TMEM265: variants seen among roughly 807,000 people sequenced by gnomAD.
The protein encoded by TMEM265 is transmembrane protein 265.
TMEM265 carries 8 observed loss-of-function variants against 9.5 expected under a neutral mutation model. The ratio of observed to expected loss-of-function variants is 0.84; its 90% CI spans 0.49 to 1.52. TMEM265 has a LOEUF of 1.52. TMEM265 is among the 40% of genes most tolerant of loss of function. The pLI is 0.00. For missense variants in TMEM265, 152 were observed against 146.2 expected, an observed-to-expected ratio of 1.04 and a Z score of -0.21; for synonymous variants, 53 against 56.9, an observed-to-expected ratio of 0.93 and a Z score of 0.31.
chr16:30,745,175 T>C lies in TMEM265; in HGVS notation c.*1232T>C, dbSNP rs1379096057. ...ATGTATTCTTTTCATGTTAACATTG[T>C]GAGATTCGTCAATATTTGGAATAGG... On this transcript the variant is annotated 3_prime_UTR_variant, in exon 3 of 3. Transcript: ENST00000615541. The C allele has an allele frequency of 6.6e-6, 1 of 152,256 alleles. No homozygotes were observed. Among genetic ancestry groups the C allele is most frequent in the East Asian group, 1.9e-4 (1 of 5,204 alleles). 9.4% of individuals were successfully genotyped at this position (152,256 alleles called of 1,614,324 possible).
At chr16:30,743,546 G>T (rs2053237729) in intron 2 of TMEM265, among the ~76,000 whole-genome samples, 1 of 152,202 alleles carries the variant, frequency 6.6e-6, no homozygotes, top group Non-Finnish European at 1.5e-5. Context: ...AACAGAATTG[G>T]AAAGTACTTT....
intron 2 of TMEM265, among the ~76,000 whole-genome samples, chr16:30,742,790 A>G (rs1249253954): frequency 2.6e-5 from 4 of 151,254 alleles, no homozygotes; most frequent in African/African-American, 9.7e-5. Flanking sequence ...GCTGGGCGTG[A>G]TGGTGCGTGC....
chr16:30,742,722 T>G (rs1181722569), intron 2 of TMEM265, among the ~76,000 whole-genome samples: 3 of 150,734 alleles, frequency 2.0e-5, no homozygotes, highest in African/African-American at 7.3e-5. Context: ...GGTTAGGAGA[T>G]CGAGACCATC....
chr16:30,741,596 A>C lies in TMEM265; in HGVS notation c.-3-145A>C, dbSNP rs370095790. ...CATTTCCTCTCCTGCTCTGTGAGTC[A>C]CTAGAGGAATTCCCCAGTAAGGCAA... On this transcript the variant is annotated intron_variant, in intron 1 of 2. Transcript: ENST00000615541. 451 of 843,328 alleles carry C rather than the reference A, an allele frequency of 5.3e-4. 5 individuals are homozygous for C. The highest frequency in any genetic ancestry group is 5.1e-3 in the South Asian group (262 of 51,206). 52.2% of individuals were successfully genotyped at this position (843,328 alleles called of 1,614,324 possible).
chr16:30,742,050 T>G (rs2053229907), intron 2 of TMEM265, 142 bp downstream of exon 2: 3 of 934,062 alleles, frequency 3.2e-6, no homozygotes, highest in African/African-American at 1.7e-5. Flanking sequence ...ACAGGGTTCC[T>G]TGTCGTCAGA....
At chr16:30,741,328 A>C (rs538377567) in intron 1 of TMEM265, 1 of 158,034 alleles carries the variant, frequency 6.3e-6, no homozygotes, top group African/African-American at 2.4e-5. Context: ...GACATCTATA[A>C]TACTCAGGGG....
At chr16:30,743,747 A>AG (rs1567257249) in intron 2 of TMEM265, 35 bp from the exon 3 acceptor site, 2 of 1,489,216 alleles carry the variant, frequency 1.3e-6, no homozygotes, top group South Asian at 2.6e-5. Context: ...GGGCAGAAGC[A>AG]GGGGGAGAAC....
intron 2 of TMEM265, 31 bp downstream of exon 2, chr16:30,741,939 G>A (rs772942812): frequency 3.9e-6 from 6 of 1,529,448 alleles, no homozygotes; most frequent in Non-Finnish European, 5.2e-6. Flanking sequence ...GGGAATGGGG[G>A]TGGGTATAAG....
chr16:30,741,163 T>G (rs1280527560), intron 1 of TMEM265: 1 of 152,314 alleles, frequency 6.6e-6, no homozygotes, highest in African/African-American at 2.4e-5. Context: ...AAGCCCTGAC[T>G]TAGGGAAGTA....
rs1016202265 is a variant in TMEM265 at position 30,741,677 on chromosome 16, T to A, written c.-3-64T>A. On this transcript the variant is annotated intron_variant, in intron 1 of 2. Transcript: ENST00000615541. ...ACAGAATGCTCTGAGAGGGGTGGAG[T>A]CTGAGCAAGCAAGGCCAAGGGCTCT... 2.7e-6 allele frequency: 4 copies of A among 1,465,454 alleles called. No individual in the cohort carries two copies. The African/African-American group carries it at 5.6e-5, about 20-fold the overall frequency. The allele number at this position is 1,465,454 out of a possible 1,614,324, so 90.8% of individuals were successfully genotyped here. A position where few individuals can be genotyped will look rare whatever the true frequency, so the allele number is the denominator to read the frequency against.
rs2053241149 is a variant in TMEM265, at chr16:30,743,976, ACCT to A, written c.*37_*39del. On this transcript the variant is annotated 3_prime_UTR_variant, in exon 3 of 3. Coordinates refer to ENST00000615541, the MANE Select transcript of TMEM265 (RefSeq NM_001256829.2). ...TGGCCTCTGCTGAGAGCCAGCCGAG[ACCT>A]CCTGGATCCTGCAATGCGGCATTGC... 2 of 1,524,470 alleles carry A rather than the reference ACCT, an allele frequency of 1.3e-6. No homozygotes were observed. The highest frequency in any genetic ancestry group is 8.8e-7 in the Non-Finnish European group (1 of 1,141,038). 94.4% of individuals were successfully genotyped at this position (1,524,470 alleles called of 1,614,324 possible).
intron 1 of TMEM265, 35 bp from the exon 2 acceptor site, chr16:30,741,706 G>A (rs1265592996): frequency 4.0e-6 from 6 of 1,517,584 alleles, no homozygotes; most frequent in Admixed American, 4.0e-5. Flanking sequence ...GGGCTCTGTT[G>A]TTGGGCTCAC....
At chr16:30,743,152 C>T (rs1366768715) in intron 2 of TMEM265, among the ~76,000 whole-genome samples, 6 of 151,960 alleles carry the variant, frequency 3.9e-5, no homozygotes, top group South Asian at 2.1e-4. Context: ...TTTGGGAGGC[C>T]GAGGTGGGCA....
At position 30,744,544 on chromosome 16, in the gene TMEM265, A is replaced by C. The variant is rs2053244820; in HGVS notation, c.*601A>C. On this transcript the variant is annotated 3_prime_UTR_variant, in exon 3 of 3. Transcript: ENST00000615541. ...TTACTATATTCCAGGCTGTGTTCTA[A>C]GCACTTTATATTTCTTAACTTCCTC... The C allele has an allele frequency of 6.6e-6, 1 of 152,202 alleles. No homozygotes were observed. The highest frequency in any genetic ancestry group is 1.5e-5 in the Non-Finnish European group (1 of 68,042). The allele number at this position is 152,202 out of a possible 1,614,324, so 9.4% of individuals were successfully genotyped here.
Position 30,743,982 on chromosome 16 carries a change from T to G in TMEM265, c.*39T>G, listed in dbSNP as rs570532565. The G allele has an allele frequency of 3.0e-4, 452 of 1,518,306 alleles. 1 individual carries two copies. In the African/African-American group the frequency reaches 5.6e-3, roughly 19 times the overall value. The allele number at this position is 1,518,306 out of a possible 1,614,324, so 94.1% of individuals were successfully genotyped here. On this transcript the variant is annotated 3_prime_UTR_variant, in exon 3 of 3. Transcript: ENST00000615541. ...CTGCTGAGAGCCAGCCGAGACCTCCTGGATCCTGCAATGCGGCATTGCTAA... is the reference window on the plus strand; with the variant it reads ...CTGCTGAGAGCCAGCCGAGACCTCCGGGATCCTGCAATGCGGCATTGCTAA...
intron 2 of TMEM265, 52 bp from the exon 3 acceptor site, chr16:30,743,730 C>T: frequency 2.0e-6 from 3 of 1,464,276 alleles, no homozygotes; most frequent in Non-Finnish European, 2.7e-6. Context: ...GGGAAATGGG[C>T]ACCTTGGGGC....
Position 30,743,851 on chromosome 16 carries a change from A to G in TMEM265, c.235A>G (p.Ile79Val). 1 of 1,533,890 alleles carries G rather than the reference A, an allele frequency of 6.5e-7. No individual in the cohort carries two copies. Among genetic ancestry groups the G allele is most frequent in the Non-Finnish European group, 8.7e-7 (1 of 1,146,696 alleles). Reference sequence around the variant, plus strand: ...CTGGGGGGCCCGGGCCCGGAAACTCATCCTGGCCAGCTTTGCTGTCTGGCT... The same window carrying G: ...CTGGGGGGCCCGGGCCCGGAAACTCGTCCTGGCCAGCTTTGCTGTCTGGCT... Reference protein sequence around the residue: ...VRWGARARKLILASFAVWLAV... With the variant: ...VRWGARARKLVLASFAVWLAV... Residue 79 changes from isoleucine (I) to valine (V), a missense_variant, in exon 3 of 3, where the codon ATC (isoleucine) becomes GTC (valine). Transcript: ENST00000615541.
Position 30,744,123 on chromosome 16 carries a change from A to G in TMEM265, c.*180A>G. 1.4e-6 allele frequency: 1 copy of G among 690,534 alleles called. No individual in the cohort carries two copies. Among genetic ancestry groups the G allele is most frequent in the East Asian group, 2.9e-5 (1 of 33,988 alleles). 42.8% of individuals were successfully genotyped at this position (690,534 alleles called of 1,614,324 possible). A position where few individuals can be genotyped will look rare whatever the true frequency, so the allele number is the denominator to read the frequency against. On this transcript the variant is annotated 3_prime_UTR_variant, in exon 3 of 3. Transcript: ENST00000615541. ...AAAAGGAGGGCAGCAGCTGAGACTG[A>G]TGAGAGGAGGGCAGCCTGCTCTGTT...
At chr16:30,743,043 G>A (rs1360688656) in intron 2 of TMEM265, among the ~76,000 whole-genome samples, 1 of 152,046 alleles carries the variant, frequency 6.6e-6, no homozygotes, top group Non-Finnish European at 1.5e-5. Context: ...GTCAGAAACT[G>A]TAAGAACTCC....
Sources: gnomAD v4.1 joint callset for allele counts (sites outside exome capture counted in the v4.1 genomes callset) on GRCh38, gnomAD v4.1.1 for gene constraint, MANE v1.5 for transcripts, NCBI Gene and HGNC (gene_info 2026-07-23, HGNC 2026-07-21) for gene names.